ABCA3: variants seen among roughly 807,000 people sequenced by gnomAD.
ABCA3 encodes phospholipid-transporting ATPase ABCA3.
A neutral mutation model predicts 172.8 loss-of-function variants in ABCA3; 88 were observed. The ratio of observed to expected loss-of-function variants is 0.51; its 90% CI spans 0.43 to 0.61. The LOEUF is 0.61. Ranked by LOEUF, ABCA3 falls within the 20% of genes least tolerant of loss-of-function variation. The probability of loss-of-function intolerance (pLI) is 0.00; values close to 1 mark genes in which losing one functional copy is unlikely to be tolerated. For synonymous variants in ABCA3, 1,066 were observed against 983.8 expected, an observed-to-expected ratio of 1.08 and a Z score of -1.56; for missense variants, 2,164 against 2,301.0, an observed-to-expected ratio of 0.94 and a Z score of 1.22.
At chr16:2,314,788 C>A (rs1411225504) in intron 10 of ABCA3, among the ~76,000 whole-genome samples, 1 of 151,032 alleles carries the variant, frequency 6.6e-6, no homozygotes, top group African/African-American at 2.4e-5. Flanking sequence ...GTTAGTCAGG[C>A]TGGTTTCGAA....
At chr16:2,320,035 G>T (rs551706801) in intron 7 of ABCA3, among the ~76,000 whole-genome samples, 195 bp from the exon 8 acceptor site, 1 of 152,184 alleles carries the variant, frequency 6.6e-6, no homozygotes, top group Non-Finnish European at 1.5e-5. Flanking sequence ...CAAATGAGAA[G>T]AGAGATGTGA....
intron 13 of ABCA3, 84 bp from the exon 14 acceptor site, chr16:2,299,616 G>A (rs750927978): frequency 3.9e-5 from 62 of 1,591,858 alleles, no homozygotes; most frequent in African/African-American, 5.4e-5. Flanking sequence ...CTGCCCGACC[G>A]TCTCAGAAGG....
chr16:2,287,000 G>A lies in ABCA3; in HGVS notation c.3005-33C>T. On this transcript the variant is annotated intron_variant, in intron 21 of 32. Coordinates refer to ENST00000301732, the MANE Select transcript of ABCA3 (RefSeq NM_001089.3). This position sits in a 1 kb window ranked among gnomAD's most constrained non-coding sequence, Gnocchi z 5.2. ...GCAATGGCAGAGTCAGGGGACACAG[G>A]AAGAGGTGACACCTGGGCACCCCCT... The A allele has an allele frequency of 6.2e-7, 1 of 1,603,958 alleles. No individual in the cohort carries two copies. The highest frequency in any genetic ancestry group is 1.3e-5 in the African/African-American group (1 of 74,872).
At position 2,281,209 on chromosome 16, in the gene ABCA3, G is replaced by A. The variant is rs753160597; in HGVS notation, c.4177C>T (p.Arg1393Trp). 9 of 1,613,488 alleles carry A rather than the reference G, an allele frequency of 5.6e-6. No individual in the cohort carries two copies. Among genetic ancestry groups the A allele is most frequent in the African/African-American group, 1.3e-5 (1 of 75,060 alleles). ...IKELSKVYEQ[R>W]VPLLAVDRLS... ...CTGTCCACGGCCAGGAGGGGCACCC[G>A]CTGCTCGTACACCTGCAGGCACCCA... The change falls in exon 28 of 33, where the codon CGG becomes TGG. Residue 1393 changes from arginine to tryptophan, a missense_variant. Physicochemically the swap from Arg to Trp is moderately radical, Grantham distance 101. Coordinates refer to ENST00000301732, the MANE Select transcript of ABCA3 (RefSeq NM_001089.3). The surrounding 1 kb of genome is among the most constrained non-coding windows in gnomAD (Gnocchi z 4.7).
chr16:2,340,588 G>GGGC lies in ABCA3; in HGVS notation c.-557_-555dup, dbSNP rs1290944096. 1 of 148,724 alleles carries GGGC rather than the reference G, an allele frequency of 6.7e-6. No individual in the cohort carries two copies. Among genetic ancestry groups the GGGC allele is most frequent in the Non-Finnish European group, 1.5e-5 (1 of 66,516 alleles). The allele number at this position is 148,724 out of a possible 1,614,324, so 9.2% of individuals were successfully genotyped here. ...CGGCACTCACCGAGCCTGGGCGCCG[G>GGGC]GGCGGCGGCGGCCGGCGCGCGGCCC... On this transcript the variant is annotated 5_prime_UTR_variant, in exon 1 of 33. Transcript: ENST00000301732.
At chr16:2,307,668 C>A (rs529835366) in intron 11 of ABCA3, among the ~76,000 whole-genome samples, 3 of 152,264 alleles carry the variant, frequency 2.0e-5, no homozygotes, top group East Asian at 1.9e-4. Flanking sequence ...TGCAGTGGTG[C>A]GATCTCAGCT....
At chr16:2,301,398 G>A (rs757400797) in intron 12 of ABCA3, among the ~76,000 whole-genome samples, 20 of 152,024 alleles carry the variant, frequency 1.3e-4, no homozygotes, top group Middle Eastern at 3.2e-3. Flanking sequence ...ACTTGTGGAA[G>A]CAAAGAATGA....
intron 12 of ABCA3, among the ~76,000 whole-genome samples, chr16:2,301,089 G>A (rs1427475238): frequency 6.6e-6 from 1 of 151,648 alleles, no homozygotes; most frequent in East Asian, 1.9e-4. Context: ...AAATTAGCCG[G>A]GCGTGGTGGT....
Position 2,281,460 on chromosome 16 carries a change from G to T in ABCA3, c.4085C>A (p.Ala1362Glu). 6.2e-7 allele frequency: 1 copy of T among 1,613,626 alleles called. No homozygotes were observed. The highest frequency in any genetic ancestry group is 8.5e-7 in the Non-Finnish European group (1 of 1,180,012). ...MPVLPEDQDV[A>E]DERTRILAPS... ...GGCCAGGATGCGGGTCCTCTCGTCCGCTACATCTTGGTCCTCAGGAAGCAC... is the reference window on the plus strand; with the variant it reads ...GGCCAGGATGCGGGTCCTCTCGTCCTCTACATCTTGGTCCTCAGGAAGCAC... Residue 1362 changes from alanine to glutamate, a missense_variant, in exon 27 of 33, where the codon GCG becomes GAG. Around this residue, in one of 3 missense-constraint regions of ABCA3, gnomAD observed 795 missense variants for 881.9 expected, o/e 0.90. Transcript: ENST00000301732. This position sits in a 1 kb window ranked among gnomAD's most constrained non-coding sequence, Gnocchi z 4.7.
rs544512657 is a variant in ABCA3, at chr16:2,304,832, T to C, written c.1286-682A>G. Among the ~76,000 whole-genome samples the C allele has an allele frequency of 2.5e-4, 38 of 152,064 alleles. 1 individual carries two copies. The South Asian group carries it at 6.6e-3, about 27-fold the overall frequency. The stretch of plus-strand genomic sequence containing the variant: ...CTGGGACTACAGGCGCCCGCCACCG[T>C]GCCTGGCTAATTTTTTGTATTTTTA... On this transcript the variant is annotated intron_variant, in intron 11 of 32. Coordinates refer to ENST00000301732, the MANE Select transcript of ABCA3 (RefSeq NM_001089.3).
chr16:2,297,660 T>C lies in ABCA3; in HGVS notation c.2052+106A>G. 6.3e-7 allele frequency: 1 copy of C among 1,589,670 alleles called. No individual in the cohort carries two copies. The highest frequency in any genetic ancestry group is 8.5e-7 in the Non-Finnish European group (1 of 1,171,896). The stretch of plus-strand genomic sequence containing the variant: ...GGCTTGAGTCCTCCAAGGATGGTGA[T>C]GGCCTTGTCTGGGGTGTCAAGGGCC... On this transcript the variant is annotated intron_variant, in intron 16 of 32. Coordinates refer to ENST00000301732, the MANE Select transcript of ABCA3 (RefSeq NM_001089.3). The surrounding 1 kb of genome is among the most constrained non-coding windows in gnomAD (Gnocchi z 5.6).
rs535894753 is a variant in ABCA3 at position 2,324,182 on chromosome 16, A to G, written c.447+222T>C. 5.3e-5 allele frequency among the ~76,000 whole-genome samples: 8 copies of G among 152,276 alleles called. No individual in the cohort carries two copies. The East Asian group carries it at 1.5e-3, about 29-fold the overall frequency. Reference sequence around the variant, plus strand: ...GCTTGGGGCGGCCACAGGCAGGTGCATTTTCTAACCTGTTCTGACCCGTGG... The same window carrying G: ...GCTTGGGGCGGCCACAGGCAGGTGCGTTTTCTAACCTGTTCTGACCCGTGG... On this transcript the variant is annotated intron_variant, in intron 6 of 32. Coordinates refer to ENST00000301732, the MANE Select transcript of ABCA3 (RefSeq NM_001089.3).
At chr16:2,300,979 C>T (rs113874172) in intron 12 of ABCA3, among the ~76,000 whole-genome samples, 1 of 152,044 alleles carries the variant, frequency 6.6e-6, no homozygotes, top group African/African-American at 2.4e-5. Flanking sequence ...GCCTGTAATC[C>T]CAGCACTTTG....
rs1167441878 is a variant in ABCA3 at position 2,284,416 on chromosome 16, G to A, written c.3725C>T (p.Ser1242Phe). 1 of 1,613,970 alleles carries A rather than the reference G, an allele frequency of 6.2e-7. No individual in the cohort carries two copies. The stretch of plus-strand genomic sequence containing the variant: ...CAGGAACACGTGATCCAGGGTTTTG[G>A]AAAGTTCTTCCAGTTTTACAGCTGC... ...RIPAVKLEEL[S>F]KTLDHVFLVL... Residue 1242 changes from serine (S) to phenylalanine (F), a missense_variant, in exon 25 of 33, where the codon TCC becomes TTC. By Grantham distance (155) the Ser-to-Phe change is radical (BLOSUM62 -2). Transcript: ENST00000301732. This position sits in a 1 kb window ranked among gnomAD's most constrained non-coding sequence, Gnocchi z 5.9.
At chr16:2,313,881 G>C (rs1280203657) in intron 10 of ABCA3, among the ~76,000 whole-genome samples, 1 of 147,288 alleles carries the variant, frequency 6.8e-6, no homozygotes, top group Admixed American at 6.8e-5. Flanking sequence ...AACAGAGCGA[G>C]ATTCCATCTC....
In ABCA3 at chr16:2,328,561, A is replaced by T. The variant is rs1308102201; in HGVS notation, c.-135T>A. 2 of 515,974 alleles carry T rather than the reference A, an allele frequency of 3.9e-6. No homozygotes were observed. Among genetic ancestry groups the T allele is most frequent in the African/African-American group, 3.9e-5 (2 of 51,918 alleles). The allele number at this position is 515,974 out of a possible 1,614,324, so 32.0% of individuals were successfully genotyped here. ...AGTGTAAAGAGGGCGAGGTGTGCAG[A>T]CGTGGCTGCTCTGTCCTGGAGAGGC... is the stretch of plus-strand genomic sequence containing the variant. On this transcript the variant is annotated 5_prime_UTR_variant, in exon 3 of 33. Transcript: ENST00000301732.
In ABCA3 at chr16:2,297,681, G is replaced by A; in HGVS notation, c.2052+85C>T. ...GTGATGGCCTTGTCTGGGGTGTCAAGGGCCAAGGTGCCCGGGCCATGGCGG... is the reference window on the plus strand; with the variant it reads ...GTGATGGCCTTGTCTGGGGTGTCAAAGGCCAAGGTGCCCGGGCCATGGCGG... On this transcript the variant is annotated intron_variant, in intron 16 of 32. Coordinates refer to ENST00000301732, the MANE Select transcript of ABCA3 (RefSeq NM_001089.3). The surrounding 1 kb of genome is among the most constrained non-coding windows in gnomAD (Gnocchi z 5.6). The A allele has an allele frequency of 6.3e-7, 1 of 1,595,110 alleles. No individual in the cohort carries two copies. The highest frequency in any genetic ancestry group is 8.5e-7 in the Non-Finnish European group (1 of 1,175,586).
rs750588198 is a variant in ABCA3 at position 2,295,636 on chromosome 16, C to T, written c.2368G>A (p.Ala790Thr). The change falls in exon 18 of 33, where the codon GCT (alanine) becomes ACT (threonine). Residue 790 changes from alanine (A) to threonine (T), a missense_variant. Ala to Thr is a moderately conservative substitution (Grantham distance 58, BLOSUM62 0). This residue lies in a region of ABCA3 where 1,343 missense variants were observed against 1,369.6 expected (regional missense o/e 0.98). Coordinates refer to ENST00000301732, the MANE Select transcript of ABCA3 (RefSeq NM_001089.3). The stretch of plus-strand genomic sequence containing the variant: ...AGGATGAAAGACAGCTCGGCCCCAG[C>T]GCTGCTCTCCAGCGTGGCGTTGGGC... Reference protein sequence around the residue: ...HVPNATLESSAGAELSFILPR... With the variant: ...HVPNATLESSTGAELSFILPR... 10 of 1,613,878 alleles carry T rather than the reference C, an allele frequency of 6.2e-6. No individual in the cohort carries two copies. Among genetic ancestry groups the T allele is most frequent in the East Asian group, 2.2e-5 (1 of 44,894 alleles).
At chr16:2,320,159 C>T (rs190702988) in intron 7 of ABCA3, among the ~76,000 whole-genome samples, 86 of 151,776 alleles carry the variant, frequency 5.7e-4, no homozygotes, top group South Asian at 4.2e-4. Flanking sequence ...AGTGCAGTGG[C>T]GCGATCTTGG....
Sources: gnomAD v4.1 joint callset for allele counts (sites outside exome capture counted in the v4.1 genomes callset) on GRCh38, gnomAD v4.1.1 for gene constraint, gnomAD v4.1.1 regional missense constraint, Gnocchi (gnomAD v3.1) non-coding constraint, MANE v1.5 for transcripts, NCBI Gene and HGNC (gene_info 2026-07-23, HGNC 2026-07-21) for gene names.